Variants in NSMCE4A observed in about 807,000 individuals in gnomAD.
NSMCE4A encodes the protein non-structural maintenance of chromosomes element 4 homolog A.
In NSMCE4A, 40 loss-of-function variants were observed where a neutral mutation model predicts 47.9. The observed-to-expected ratio is 0.83, with a 90% CI of 0.65 to 1.09. NSMCE4A has a LOEUF of 1.09. Ranked by LOEUF, NSMCE4A falls within the 50% of genes least tolerant of loss-of-function variation. The pLI is 0.00. For missense variants in NSMCE4A, 500 were observed against 507.0 expected (o/e 0.99, Z 0.13); for synonymous variants, 166 against 178.5 (o/e 0.93, Z 0.56).
At chr10:121,967,556 C>G in intron 4 of NSMCE4A, 99 bp downstream of exon 4, 4 of 1,278,138 alleles carry the variant, frequency 3.1e-6, no homozygotes, top group Non-Finnish European at 4.3e-6. Flanking sequence ...GGCATCATGA[C>G]TGTCACCTCT....
At position 121,957,579 on chromosome 10, in the gene NSMCE4A, G is replaced by A. The variant is rs376096352; in HGVS notation, c.*13-320C>T. Reference sequence around the variant, plus strand: ...CTCCTGAGTAGCTGGAACTACAGGCGCCCACCACCACGCCCAGCTAATTTT... The same window carrying A: ...CTCCTGAGTAGCTGGAACTACAGGCACCCACCACCACGCCCAGCTAATTTT... On this transcript the variant is annotated intron_variant, in intron 10 of 10. Coordinates refer to ENST00000369023, the MANE Select transcript of NSMCE4A (RefSeq NM_017615.3). Among the ~76,000 whole-genome samples the A allele has an allele frequency of 3.2e-4, 49 of 151,522 alleles. No homozygotes were observed. The South Asian group carries it at 9.0e-3, about 28-fold the overall frequency.
chr10:121,971,396 G>C (rs539267694), intron 2 of NSMCE4A, among the ~76,000 whole-genome samples: 287 of 152,274 alleles, frequency 1.9e-3, no homozygotes, highest in African/African-American at 6.6e-3. Context: ...TGTAGTCCCA[G>C]CTACTTGGGA....
chr10:121,974,024 G>A lies in NSMCE4A; in HGVS notation c.350C>T (p.Ala117Val), dbSNP rs1952768265. The A allele has an allele frequency of 6.2e-7, 1 of 1,601,218 alleles. No individual in the cohort carries two copies. Among genetic ancestry groups the A allele is most frequent in the Admixed American group, 1.7e-5 (1 of 59,398 alleles). Residue 117 changes from alanine (A) to valine (V), a missense_variant, in exon 2 of 11, where the codon GCT (alanine) becomes GTT (valine). Ala to Val is a moderately conservative substitution (Grantham distance 64, BLOSUM62 0). Coordinates refer to ENST00000369023, the MANE Select transcript of NSMCE4A (RefSeq NM_017615.3). ...ATTACCTTCATTAAACAGAGTGTTA[G>A]CCTCTTCAAGGACCTCTGTTAATTT... Reference protein sequence around the residue: ...GDKLTEVLEEANTLFNEVSRA... With the variant: ...GDKLTEVLEEVNTLFNEVSRA...
intron 2 of NSMCE4A, 68 bp downstream of exon 2, chr10:121,973,936 T>C: frequency 3.8e-6 from 4 of 1,058,568 alleles, no homozygotes; most frequent in Non-Finnish European, 5.6e-6. Context: ...TGTCAATAAT[T>C]TGGCGCTTAT....
At position 121,960,522 on chromosome 10, in the gene NSMCE4A, T is replaced by C. The variant is rs542755325; in HGVS notation, c.940-116A>G. 35 of 640,644 alleles carry C rather than the reference T, an allele frequency of 5.5e-5. No individual in the cohort carries two copies. Among genetic ancestry groups the C allele is most frequent in the East Asian group, 4.4e-4 (13 of 29,686 alleles). 39.7% of individuals were successfully genotyped at this position (640,644 alleles called of 1,614,324 possible). A position where few individuals can be genotyped will look rare whatever the true frequency, so the allele number is the denominator to read the frequency against. On this transcript the variant is annotated intron_variant, in intron 7 of 10. Transcript: ENST00000369023. The surrounding 1 kb of genome is among the most constrained non-coding windows in gnomAD (Gnocchi z 4.2). The stretch of plus-strand genomic sequence containing the variant: ...TATCTCAGAAAATCAAATTACACCA[T>C]AGCAATAATAAGGTGATGATATAGA...
At chr10:121,959,091 G>A (rs1012760931) in intron 10 of NSMCE4A, among the ~76,000 whole-genome samples, 4 of 152,296 alleles carry the variant, frequency 2.6e-5, no homozygotes, top group South Asian at 4.1e-4. Context: ...GGGATTACAG[G>A]CGTGAGCCAC....
chr10:121,972,781 G>A (rs1015446351), intron 2 of NSMCE4A, among the ~76,000 whole-genome samples: 24 of 152,148 alleles, frequency 1.6e-4, no homozygotes, highest in African/African-American at 5.6e-4. Flanking sequence ...GGTTCCTGAA[G>A]GTTTTGATGA....
intron 8 of NSMCE4A, chr10:121,959,929 A>C: frequency 2.8e-6 from 1 of 357,114 alleles, no homozygotes; most frequent in Non-Finnish European, 5.1e-6. Flanking sequence ...GTGCGATGGA[A>C]ATATTCACTC....
intron 2 of NSMCE4A, among the ~76,000 whole-genome samples, chr10:121,973,388 C>A (rs1335699840): frequency 1.3e-5 from 2 of 152,118 alleles, no homozygotes; most frequent in Non-Finnish European, 2.9e-5. Flanking sequence ...CCTCTGTCAC[C>A]AAGCAGACAG....
At chr10:121,969,429 A>G (rs911049991) in intron 3 of NSMCE4A, among the ~76,000 whole-genome samples, 1 of 151,410 alleles carries the variant, frequency 6.6e-6, no homozygotes, top group Non-Finnish European at 1.5e-5. Context: ...TACCCAATAC[A>G]TGGTTACTTT....
At chr10:121,959,250 TG>T in intron 10 of NSMCE4A, 73 bp downstream of exon 10, 1 of 1,316,798 alleles carries the variant, frequency 7.6e-7, no homozygotes, top group Non-Finnish European at 1.1e-6. Context: ...TTCACTGGAA[TG>T]GGGAAAAGGG....
intron 2 of NSMCE4A, 116 bp from the exon 3 acceptor site, chr10:121,971,185 ATCTC>A: frequency 1.3e-5 from 13 of 1,008,792 alleles, no homozygotes; most frequent in South Asian, 1.7e-5. Flanking sequence ...AAAAAAAAAA[ATCTC>A]AATAGGCAAC....
intron 2 of NSMCE4A, among the ~76,000 whole-genome samples, chr10:121,971,754 G>C (rs11200294): frequency 6.6e-6 from 1 of 152,288 alleles, no homozygotes; most frequent in Admixed American, 6.5e-5. Flanking sequence ...ACTACATGTA[G>C]GGCCCTGTGC....
At chr10:121,968,465 A>C (rs1429973530) in intron 3 of NSMCE4A, among the ~76,000 whole-genome samples, 1 of 152,164 alleles carries the variant, frequency 6.6e-6, no homozygotes, top group East Asian at 1.9e-4. Context: ...ATTTTTTGCC[A>C]ACCTCCTACA....
In NSMCE4A at chr10:121,963,246, C is replaced by CGA; in HGVS notation, c.834_835dup (p.Arg279LeufsTer42). 6.2e-7 allele frequency: 1 copy of CGA among 1,603,904 alleles called. No homozygotes were observed. The highest frequency in any genetic ancestry group is 8.5e-7 in the Non-Finnish European group (1 of 1,171,132). ...AATGGTGTTACACTTACGATCTTCTCGAAAATATGTCTGCAACAATCCCAA... is the reference window on the plus strand; with the variant it reads ...AATGGTGTTACACTTACGATCTTCTCGAGAAAATATGTCTGCAACAATCCCAA... On this transcript the variant is annotated frameshift_variant, in exon 6 of 11. Transcript: ENST00000369023. LOFTEE classifies it high-confidence loss of function.
intron 4 of NSMCE4A, chr10:121,966,840 G>A (rs1419136343): frequency 1.3e-5 from 2 of 152,190 alleles, no homozygotes; most frequent in Non-Finnish European, 2.9e-5. Flanking sequence ...ATGCCAGGAA[G>A]TTAAGACAGA....
Position 121,975,106 on chromosome 10 carries a change from A to C in NSMCE4A, c.60T>G (p.His20Gln). The change falls in exon 1 of 11, where the codon CAT becomes CAG. Residue 20 changes from histidine to glutamine, a missense_variant. By Grantham distance (24) the His-to-Gln change is conservative (BLOSUM62 0). Coordinates refer to ENST00000369023, the MANE Select transcript of NSMCE4A (RefSeq NM_017615.3). Reference sequence around the variant, plus strand: ...GGGAGCGGGAGCGGGTGCGATCCCGATGCGGGTCGCGGCCCCGGCCCCGGC... The same window carrying C: ...GGGAGCGGGAGCGGGTGCGATCCCGCTGCGGGTCGCGGCCCCGGCCCCGGC... Reference protein sequence around the residue: ...PEGRGRGRDPHRDRTRSRSRS... With the variant: ...PEGRGRGRDPQRDRTRSRSRS... 1 of 1,433,440 alleles carries C rather than the reference A, an allele frequency of 7.0e-7. No individual in the cohort carries two copies. Among genetic ancestry groups the C allele is most frequent in the Non-Finnish European group, 9.1e-7 (1 of 1,104,764 alleles). The allele number at this position is 1,433,440 out of a possible 1,614,324, so 88.8% of individuals were successfully genotyped here.
intron 10 of NSMCE4A, among the ~76,000 whole-genome samples, chr10:121,957,607 T>C (rs1013651609): frequency 5.9e-5 from 9 of 151,868 alleles, no homozygotes; most frequent in Non-Finnish European, 1.3e-4. Context: ...CTAATTTTTT[T>C]GTACTTTTAG....
At chr10:121,968,697 T>G (rs1224461081) in intron 3 of NSMCE4A, among the ~76,000 whole-genome samples, 1 of 152,170 alleles carries the variant, frequency 6.6e-6, no homozygotes, top group African/African-American at 2.4e-5. Context: ...GTTATCCAAT[T>G]ACGATGGCAA....
Sources: allele counts gnomAD v4.1 joint callset (sites outside exome capture counted in the v4.1 genomes callset), GRCh38; gene constraint gnomAD v4.1.1; non-coding constraint Gnocchi (gnomAD v3.1); transcripts MANE v1.5; gene names NCBI Gene and HGNC (gene_info 2026-07-23, HGNC 2026-07-21).